The following LRRC37A variants were observed in gnomAD, a reference collection of about 807,000 sequenced individuals.
The protein encoded by LRRC37A is leucine-rich repeat-containing protein 37A.
A neutral mutation model predicts 35.4 loss-of-function variants in LRRC37A; 3 were observed. The ratio of observed to expected loss-of-function variants is 0.08; its 90% CI spans 0.04 to 0.22. LRRC37A has a LOEUF of 0.22. LRRC37A is among the 10% of genes least tolerant of loss of function. LRRC37A has a pLI of 1.00. For missense variants in LRRC37A, 67 were observed against 565.3 expected, an observed-to-expected ratio of 0.12 and a Z score of 8.94; for synonymous variants, 23 against 215.0, an observed-to-expected ratio of 0.11 and a Z score of 7.81.
the LRRC37A span, among the ~76,000 whole-genome samples, chr17:46,257,380 G>A: frequency 6.6e-6 from 1 of 150,728 alleles, no homozygotes; most frequent in Non-Finnish European, 1.5e-5. Flanking sequence ...CTAAACCTGG[G>A]AGGCGGAGGT....
the LRRC37A span, among the ~76,000 whole-genome samples, chr17:46,283,758 C>T: frequency 6.6e-6 from 1 of 152,142 alleles, no homozygotes; most frequent in South Asian, 2.1e-4. Context: ...ATGGAGGATG[C>T]TGCCGGCCTC....
At chr17:46,283,622 T>C in the LRRC37A span, among the ~76,000 whole-genome samples, 1 of 152,216 alleles carries the variant, frequency 6.6e-6, no homozygotes, top group Non-Finnish European at 1.5e-5. Flanking sequence ...GGTGAAGGGG[T>C]GGGTTGCCCC....
the LRRC37A span, among the ~76,000 whole-genome samples, chr17:46,256,133 G>T: frequency 0.14 from 21,197 of 150,702 alleles, 2,097 homozygotes; most frequent in Non-Finnish European, 0.21. Context: ...CCCTGAAATC[G>T]CAGCACTTTG....
At chr17:46,269,273 C>T in the LRRC37A span, among the ~76,000 whole-genome samples, 14 of 152,352 alleles carry the variant, frequency 9.2e-5, no homozygotes, top group East Asian at 2.5e-3. Flanking sequence ...GTGGCTCACA[C>T]CTGTAATCCC....
chr17:46,281,103 T>C, the LRRC37A span, among the ~76,000 whole-genome samples: 3 of 152,014 alleles, frequency 2.0e-5, no homozygotes, highest in African/African-American at 7.2e-5. Context: ...TTATAGATTG[T>C]CTGTTTTATC....
the LRRC37A span, among the ~76,000 whole-genome samples, chr17:46,270,033 A>AT: frequency 7.2e-5 from 11 of 152,252 alleles, no homozygotes; most frequent in Non-Finnish European, 1.2e-4. Context: ...CCACAAAGAC[A>AT]TGAGAGTATT....
At chr17:46,252,382 T>C in the LRRC37A span, among the ~76,000 whole-genome samples, 1 of 145,834 alleles carries the variant, frequency 6.9e-6, no homozygotes, top group South Asian at 2.1e-4. Context: ...TCTTTCTTTT[T>C]TTTTTTTTTT....
chr17:46,273,011 G>A, the LRRC37A span, among the ~76,000 whole-genome samples: 4 of 152,182 alleles, frequency 2.6e-5, no homozygotes, highest in African/African-American at 4.8e-5. Context: ...AGTATGAAAT[G>A]TCCTATTACA....
chr17:46,269,655 T>A, the LRRC37A span, among the ~76,000 whole-genome samples: 11 of 152,258 alleles, frequency 7.2e-5, no homozygotes, highest in Non-Finnish European at 1.5e-4. Context: ...ATATAGTTTA[T>A]TTTCATGCCT....
intron 10 of LRRC37A, chr17:46,334,961 A>G (rs1468516566): frequency 1.2e-5 from 1 of 86,240 alleles, no homozygotes. Context: ...GGGGCCAGGC[A>G]TGGTGGCTCA....
At chr17:46,258,214 A>G in the LRRC37A span, among the ~76,000 whole-genome samples, 1 of 142,394 alleles carries the variant, frequency 7.0e-6, no homozygotes, top group Non-Finnish European at 1.6e-5. Context: ...TATATGAAAG[A>G]GATTCTTTTT....
chr17:46,317,054 C>T (rs113399013), intron 5 of LRRC37A, among the ~76,000 whole-genome samples: 43,100 of 73,712 alleles, frequency 0.58, 16,056 homozygotes, highest in East Asian at 0.9. Context: ...TGTATCTTTT[C>T]CCCACATTTC....
chr17:46,254,781 G>A, the LRRC37A span, among the ~76,000 whole-genome samples: 16 of 146,342 alleles, frequency 1.1e-4, no homozygotes, highest in South Asian at 8.6e-4. Context: ...CTTGTGATCC[G>A]CCTGCCTCAG....
chr17:46,267,534 T>C, the LRRC37A span: 9 of 1,612,894 alleles, frequency 5.6e-6, no homozygotes, highest in African/African-American at 4.0e-5. Context: ...GAAACTGAGC[T>C]GAATGACGCT....
At chr17:46,266,288 C>G in the LRRC37A span, among the ~76,000 whole-genome samples, 1 of 152,212 alleles carries the variant, frequency 6.6e-6, no homozygotes, top group South Asian at 2.1e-4. Context: ...ATTCTCCGCA[C>G]TTGTCACCCC....
At chr17:46,323,129 G>T (rs1598158087) in intron 7 of LRRC37A, 102 bp downstream of exon 7, 1 of 124,862 alleles carries the variant, frequency 8.0e-6, no homozygotes, top group Non-Finnish European at 1.9e-5. Flanking sequence ...TTTTCATATA[G>T]TAACATTCAC....
chr17:46,261,736 A>G, the LRRC37A span, among the ~76,000 whole-genome samples: 1 of 136,724 alleles, frequency 7.3e-6, no homozygotes, highest in Non-Finnish European at 1.7e-5. Context: ...TTTAACCACT[A>G]AAAAAAAAAA....
intron 5 of LRRC37A, among the ~76,000 whole-genome samples, chr17:46,315,958 C>A (rs1372968446): frequency 9.6e-5 from 6 of 62,486 alleles, no homozygotes; most frequent in African/African-American, 2.2e-4. Flanking sequence ...GAGTCTCACT[C>A]TGTTGCCCAG....
the LRRC37A span, chr17:46,260,523 G>C: frequency 6.2e-7 from 1 of 1,605,916 alleles, no homozygotes; most frequent in Non-Finnish European, 8.5e-7. Context: ...ACCTGCACCA[G>C]GCGATGCCTG....
Sources: gnomAD v4.1 joint callset for allele counts (sites outside exome capture counted in the v4.1 genomes callset) on GRCh38, gnomAD v4.1.1 for gene constraint, MANE v1.5 for transcripts, NCBI Gene and HGNC (gene_info 2026-07-23, HGNC 2026-07-21) for gene names.